The following DGKH variants were observed in gnomAD, a reference collection of about 807,000 sequenced individuals.
The protein encoded by DGKH is diacylglycerol kinase eta, also known as DAG kinase eta.
A neutral mutation model predicts 159.3 loss-of-function variants in DGKH; 90 were observed. The observed-to-expected ratio is 0.57, with a 90% CI of 0.48 to 0.67. DGKH has a LOEUF of 0.67. DGKH is among the 30% of genes least tolerant of loss of function. The pLI is 0.00. For missense variants in DGKH, 1,181 were observed against 1,506.1 expected (o/e 0.78, Z 3.57); for synonymous variants, 536 against 553.8 (o/e 0.97, Z 0.45).
intron 1 of DGKH, among the ~76,000 whole-genome samples, chr13:42,107,711 T>C (rs1954786782): frequency 6.6e-6 from 1 of 151,936 alleles, no homozygotes; most frequent in Non-Finnish European, 1.5e-5. Flanking sequence ...CCGCTGTGAG[T>C]ACAGGAACAA....
At chr13:42,182,968 T>C (rs1190842505) in intron 13 of DGKH, among the ~76,000 whole-genome samples, 1 of 151,676 alleles carries the variant, frequency 6.6e-6, no homozygotes, top group African/African-American at 2.4e-5. Context: ...GCTCACACAC[T>C]ACATTTGAGT....
intron 11 of DGKH, among the ~76,000 whole-genome samples, chr13:42,169,281 C>G (rs1204333419): frequency 6.6e-6 from 1 of 152,022 alleles, no homozygotes; most frequent in African/African-American, 2.4e-5. Flanking sequence ...ATGCATTGAT[C>G]CAATAAGAAC....
At chr13:42,202,283 C>T (rs935116774) in intron 20 of DGKH, among the ~76,000 whole-genome samples, 3 of 152,018 alleles carry the variant, frequency 2.0e-5, no homozygotes, top group Admixed American at 6.6e-5. Context: ...GATGGAAGGC[C>T]GTTGTCTAAA....
At chr13:42,217,195 T>C (rs1015924718) in intron 26 of DGKH, among the ~76,000 whole-genome samples, 1 of 152,240 alleles carries the variant, frequency 6.6e-6, no homozygotes, top group Admixed American at 6.5e-5. Context: ...TTTATACGTT[T>C]TATAACACAT....
At chr13:42,222,072 C>T (rs866481160) in intron 29 of DGKH, among the ~76,000 whole-genome samples, 3 of 152,166 alleles carry the variant, frequency 2.0e-5, no homozygotes, top group Non-Finnish European at 4.4e-5. Context: ...AAAACCATTC[C>T]TTCATCACCT....
At chr13:42,080,692 A>G (rs1954183765) in intron 1 of DGKH, among the ~76,000 whole-genome samples, 1 of 152,108 alleles carries the variant, frequency 6.6e-6, no homozygotes. Context: ...CTTTGTGACT[A>G]TTTATTTGCC....
intron 1 of DGKH, among the ~76,000 whole-genome samples, chr13:42,118,053 C>G (rs192755675): frequency 1.3e-5 from 2 of 152,052 alleles, no homozygotes; most frequent in Admixed American, 1.3e-4. Context: ...CCGTCTCTAC[C>G]AAAAAGACAA....
chr13:42,216,938 G>T (rs1324202732), intron 26 of DGKH, among the ~76,000 whole-genome samples: 4 of 152,030 alleles, frequency 2.6e-5, no homozygotes, highest in African/African-American at 7.2e-5. Flanking sequence ...TTCTCTACAC[G>T]AAAAGTACCT....
intron 1 of DGKH, among the ~76,000 whole-genome samples, chr13:42,054,086 T>C (rs1881573050): frequency 6.6e-6 from 1 of 152,254 alleles, no homozygotes; most frequent in African/African-American, 2.4e-5. Flanking sequence ...AAAGTACAAT[T>C]TGTGCCATTA....
At chr13:42,047,935 A>G (rs1230359818), upstream of DGKH, among the ~76,000 whole-genome samples, 1 of 151,222 alleles carries the variant, frequency 6.6e-6, no homozygotes, top group Non-Finnish European at 1.5e-5. Flanking sequence ...CTGTTAGCCG[A>G]AGGGGATCGC....
At position 42,236,592 on chromosome 13, in the gene DGKH, T is replaced by C. The variant is rs974672021; in HGVS notation, c.*7404T>C. On this transcript the variant is annotated 3_prime_UTR_variant, in exon 30 of 30. Coordinates refer to ENST00000337343, the MANE Select transcript of DGKH (RefSeq NM_178009.5). ...AGTTTTAGTTGAAGAGAGATCTCAG[T>C]GATTGTACTGCCAATATGACATTCA... 27 of 152,190 alleles carry C rather than the reference T, an allele frequency of 1.8e-4. No homozygotes were observed. The highest frequency in any genetic ancestry group is 5.5e-4 in the African/African-American group (23 of 41,450). 9.4% of individuals were successfully genotyped at this position (152,190 alleles called of 1,614,324 possible).
intron 3 of DGKH, among the ~76,000 whole-genome samples, chr13:42,144,917 A>G (rs1955683155): frequency 6.6e-6 from 1 of 152,210 alleles, no homozygotes. Context: ...GTGAATCCTT[A>G]TTACCTTCAA....
chr13:42,245,330 C>T (rs1566237330), downstream of DGKH, among the ~76,000 whole-genome samples: 1 of 152,216 alleles, frequency 6.6e-6, no homozygotes, highest in African/African-American at 2.4e-5. Context: ...GACGCTATCC[C>T]AATGCACGGA....
At chr13:42,125,075 C>T (rs934540977) in intron 1 of DGKH, among the ~76,000 whole-genome samples, 1 of 152,166 alleles carries the variant, frequency 6.6e-6, no homozygotes, top group African/African-American at 2.4e-5. Context: ...CTTTCTCACC[C>T]GTTTCCCCAT....
intron 1 of DGKH, among the ~76,000 whole-genome samples, chr13:42,064,646 T>G (rs894641920): frequency 6.6e-6 from 1 of 152,182 alleles, no homozygotes; most frequent in Non-Finnish European, 1.5e-5. Flanking sequence ...AATTAAACTT[T>G]AATCATTCAA....
At position 42,168,464 on chromosome 13, in the gene DGKH, C is replaced by T. The variant is rs199820826; in HGVS notation, c.1143C>T (p.Asp381=). ...HLGLRLFQKF[D]NFRILVCGGD... ...GTTTAAGATTATTTCAGAAGTTTGACAATTTCCGGATTCTTGTTTGTGGAG... is the reference window on the plus strand; with the variant it reads ...GTTTAAGATTATTTCAGAAGTTTGATAATTTCCGGATTCTTGTTTGTGGAG... The change falls in exon 10 of 30, where the codon GAC becomes GAT. Residue 381 remains aspartate, a synonymous_variant. Transcript: ENST00000337343. 7.4e-6 allele frequency: 12 copies of T among 1,613,896 alleles called. No individual in the cohort carries two copies. The highest frequency in any genetic ancestry group is 9.3e-6 in the Non-Finnish European group (11 of 1,179,958).
At chr13:42,202,013 G>C (rs1480483359) in intron 20 of DGKH, among the ~76,000 whole-genome samples, 5 of 152,070 alleles carry the variant, frequency 3.3e-5, no homozygotes, top group Non-Finnish European at 7.4e-5. Context: ...TGAACATAAA[G>C]ATACAGATTT....
intron 3 of DGKH, among the ~76,000 whole-genome samples, chr13:42,146,148 GGC>G (rs1955723156): frequency 1.1e-5 from 1 of 94,128 alleles, no homozygotes; most frequent in Non-Finnish European, 2.3e-5. Context: ...ATTCTGGGGA[GGC>G]TTTTTTTTTT....
intron 1 of DGKH, among the ~76,000 whole-genome samples, chr13:42,109,401 G>C (rs1241630036): frequency 6.6e-6 from 1 of 152,180 alleles, no homozygotes; most frequent in Non-Finnish European, 1.5e-5. Flanking sequence ...TTTGAACCCA[G>C]GCCGTACCTC....
Sources: allele counts gnomAD v4.1 joint callset (sites outside exome capture counted in the v4.1 genomes callset), GRCh38; gene constraint gnomAD v4.1.1; transcripts MANE v1.5; gene names NCBI Gene and HGNC (gene_info 2026-07-23, HGNC 2026-07-21).